Variants in DMD observed in about 807,000 individuals in gnomAD.
DMD encodes the protein mutant dystrophin.
DMD carries 63 observed loss-of-function variants against 330.1 expected under a neutral mutation model. The observed-to-expected ratio is 0.19, with a 90% CI of 0.16 to 0.24. The LOEUF is 0.24. Among genes scored for constraint, DMD ranks in the 10% least tolerant of loss-of-function variants. The pLI is 1.00. For synonymous variants in DMD, 1,223 were observed against 959.8 expected, an observed-to-expected ratio of 1.27 and a Z score of -5.07; for missense variants, 3,344 against 2,684.1, an observed-to-expected ratio of 1.25 and a Z score of -5.43.
intron 25 of DMD, among the ~76,000 whole-genome samples, chrX:32,461,220 TA>T (rs1387997404): frequency 8.9e-6 from 1 of 111,935 alleles, no homozygotes; most frequent in Non-Finnish European, 1.9e-5. Flanking sequence ...GATATTTCTG[TA>T]ATGCATAGAT....
chrX:33,139,344 A>G (rs1293134116), intron 1 of DMD, among the ~76,000 whole-genome samples: 1 of 110,419 alleles, frequency 9.1e-6, no homozygotes, highest in African/African-American at 3.3e-5. Context: ...GTAATCCCCA[A>G]TGTTTGTTTG....
chrX:31,185,600 GTTTT>G (rs2041686873), intron 67 of DMD, among the ~76,000 whole-genome samples: 2 of 111,482 alleles, frequency 1.8e-5, no homozygotes, highest in Admixed American at 1.9e-4. Context: ...TTTCAATGTT[GTTTT>G]TTATTTTTCT....
intron 52 of DMD, among the ~76,000 whole-genome samples, chrX:31,690,305 G>A (rs1290751826): frequency 2.9e-4 from 32 of 109,572 alleles, no homozygotes; most frequent in Middle Eastern, 9.3e-3. Flanking sequence ...AAAAGTGGGC[G>A]AAGGATATGA....
At chrX:32,681,993 G>C (rs1266974425) in intron 9 of DMD, among the ~76,000 whole-genome samples, 1 of 111,685 alleles carries the variant, frequency 9.0e-6, no homozygotes, top group African/African-American at 3.3e-5. Context: ...TGGCGTATTT[G>C]ATGCCAAGCT....
chrX:31,478,066 A>T, intron 59 of DMD, 40 bp downstream of exon 59: 1 of 1,184,766 alleles, frequency 8.4e-7, no homozygotes, highest in Non-Finnish European at 1.1e-6. Context: ...AGCTCTTTTG[A>T]GTCTCTCAAA....
intron 9 of DMD, among the ~76,000 whole-genome samples, chrX:32,657,240 A>T (rs1185465066): frequency 9.0e-6 from 1 of 111,604 alleles, no homozygotes; most frequent in East Asian, 2.8e-4. Context: ...GTTATGGCAA[A>T]TTCTCCTAAA....
chrX:32,483,820 C>CAAAAAAAAAAAAAAAAAAAAAAAAAA (rs770119472), intron 21 of DMD, among the ~76,000 whole-genome samples: 1 of 37,267 alleles, frequency 2.7e-5, no homozygotes, highest in Non-Finnish European at 4.3e-5. Flanking sequence ...CTCTGAAGTA[C>CAAAAAAAAAAAAAAAAAAAAAAAAAA]AAAAAAAAAA....
intron 60 of DMD, among the ~76,000 whole-genome samples, chrX:31,433,617 C>T (rs193064254): frequency 6.8e-4 from 75 of 109,625 alleles, no homozygotes; most frequent in Admixed American, 6.7e-3. Flanking sequence ...CCACCATGCC[C>T]GGCTAATTTT....
At chrX:31,326,591 TAA>T (rs764436608) in intron 61 of DMD, among the ~76,000 whole-genome samples, 12 of 54,261 alleles carry the variant, frequency 2.2e-4, no homozygotes, top group Admixed American at 2.2e-4. Flanking sequence ...CTTGACACAA[TAA>T]AAAAAAAAAA....
At chrX:31,456,954 T>C (rs1055765464) in intron 59 of DMD, among the ~76,000 whole-genome samples, 1 of 104,481 alleles carries the variant, frequency 9.6e-6, no homozygotes, top group Admixed American at 1.1e-4. Context: ...TTAGCAGAGG[T>C]ACACAATTTA....
intron 19 of DMD, among the ~76,000 whole-genome samples, chrX:32,493,219 C>A (rs1177061090): frequency 9.0e-6 from 1 of 111,673 alleles, no homozygotes; most frequent in East Asian, 2.8e-4. Context: ...TTCTATTTGT[C>A]ATAATGATAT....
intron 60 of DMD, among the ~76,000 whole-genome samples, chrX:31,400,406 G>A (rs938758348): frequency 9.0e-6 from 1 of 111,581 alleles, no homozygotes; most frequent in Non-Finnish European, 1.9e-5. Context: ...GATGTCTCAT[G>A]TCTCCCTAAA....
chrX:32,121,748 T>A (rs1296523862), intron 44 of DMD, among the ~76,000 whole-genome samples: 2 of 101,228 alleles, frequency 2.0e-5, no homozygotes, highest in Non-Finnish European at 4.0e-5. Context: ...TGTGTGTGTG[T>A]GTGTGTGTAT....
chrX:31,355,664 G>A (rs2058633425), intron 60 of DMD, among the ~76,000 whole-genome samples: 1 of 111,313 alleles, frequency 9.0e-6, no homozygotes, highest in Non-Finnish European at 1.9e-5. Flanking sequence ...ATGTGTCTGT[G>A]TTGGGGGAGG....
chrX:31,312,246 A>G (rs1194399508), intron 62 of DMD, among the ~76,000 whole-genome samples: 2 of 112,667 alleles, frequency 1.8e-5, no homozygotes, highest in Middle Eastern at 4.2e-3. Flanking sequence ...CAAGGAACTT[A>G]AACATATTCA....
intron 1 of DMD, among the ~76,000 whole-genome samples, chrX:33,205,699 A>G (rs2051527457): frequency 8.9e-6 from 1 of 112,218 alleles, no homozygotes; most frequent in Admixed American, 9.5e-5. Flanking sequence ...AAAAACATTT[A>G]AAGGGTAAGC....
At chrX:32,191,196 C>A (rs1250516262) in intron 44 of DMD, among the ~76,000 whole-genome samples, 1 of 111,624 alleles carries the variant, frequency 9.0e-6, no homozygotes, top group African/African-American at 3.3e-5. Context: ...CCCACTTTAG[C>A]TTCTATCGAG....
chrX:31,980,996 T>C (rs1454451711), intron 44 of DMD, among the ~76,000 whole-genome samples: 2 of 112,138 alleles, frequency 1.8e-5, no homozygotes, highest in Non-Finnish European at 3.8e-5. Flanking sequence ...GGACCCTTCT[T>C]ATGCAAGAAA....
intron 50 of DMD, among the ~76,000 whole-genome samples, chrX:31,788,300 T>C (rs1034993720): frequency 1.8e-5 from 2 of 112,392 alleles, no homozygotes; most frequent in Non-Finnish European, 1.9e-5. Context: ...TGCTTCATTA[T>C]GAACTTATTT....
Sources: allele counts gnomAD v4.1 joint callset (sites outside exome capture counted in the v4.1 genomes callset), GRCh38; gene constraint gnomAD v4.1.1; transcripts MANE v1.5; gene names NCBI Gene and HGNC (gene_info 2026-07-23, HGNC 2026-07-21).